Variants in DARS1 observed in about 807,000 individuals in gnomAD.
DARS1 encodes aspartyl-tRNA synthetase 1, also known as aspartate--tRNA ligase, cytoplasmic.
In DARS1, 51 loss-of-function variants were observed where a neutral mutation model predicts 68.8. That is an observed-to-expected ratio of 0.74 (90% CI 0.59 to 0.94). The LOEUF is 0.94. Ranked by LOEUF, DARS1 falls within the 40% of genes least tolerant of loss-of-function variation. The pLI, the probability that DARS1 is intolerant of heterozygous loss-of-function variation, is 0.00. For synonymous variants in DARS1, 203 were observed against 190.4 expected, an observed-to-expected ratio of 1.07 and a Z score of -0.55; for missense variants, 607 against 597.3, an observed-to-expected ratio of 1.02 and a Z score of -0.17.
intron 4 of DARS1, among the ~76,000 whole-genome samples, chr2:135,959,390 T>A (rs1240420821): frequency 1.2e-4 from 1 of 8,272 alleles, no homozygotes; most frequent in Non-Finnish European, 2.7e-4. Context: ...AAACTCCGTC[T>A]CAAAAAAAAA....
intron 9 of DARS1, 36 bp downstream of exon 9, chr2:135,922,748 A>G (rs1232510966): frequency 6.7e-7 from 1 of 1,503,732 alleles, no homozygotes; most frequent in Non-Finnish European, 8.8e-7. Context: ...TGTATAATTA[A>G]TTAACTTGGA....
At chr2:135,934,876 CCT>C (rs1328248362) in intron 5 of DARS1, among the ~76,000 whole-genome samples, 2 of 149,928 alleles carry the variant, frequency 1.3e-5, no homozygotes, top group Non-Finnish European at 3.0e-5. Context: ...CTCACTGCAA[CCT>C]CTGTCTCCCG....
At chr2:135,948,540 C>A (rs1344008221) in intron 4 of DARS1, among the ~76,000 whole-genome samples, 3 of 152,154 alleles carry the variant, frequency 2.0e-5, no homozygotes, top group Non-Finnish European at 4.4e-5. Flanking sequence ...GAGACTTCTT[C>A]TGAGTATTAT....
Position 135,962,541 on chromosome 2 carries a change from A to T in DARS1, c.218-1043T>A, listed in dbSNP as rs141223995. On this transcript the variant is annotated intron_variant, in intron 3 of 15. Coordinates refer to ENST00000264161, the MANE Select transcript of DARS1 (RefSeq NM_001349.4). ...AGCAGACTTACAGTTACTACTTTCA[A>T]CATACAGTATTTTGAAATGCAAATC... Among the ~76,000 whole-genome samples, 232 of 152,350 alleles carry T rather than the reference A, an allele frequency of 1.5e-3. 2 individuals carry two copies. Among genetic ancestry groups the T allele is most frequent in the Admixed American group, 0.01 (153 of 15,300 alleles).
intron 3 of DARS1, among the ~76,000 whole-genome samples, chr2:135,978,387 G>C (rs1682549338): frequency 6.6e-6 from 1 of 152,142 alleles, no homozygotes; most frequent in Admixed American, 6.5e-5. Flanking sequence ...TCTAGCTTCT[G>C]TTTATACTCC....
intron 2 of DARS1, chr2:135,980,624 C>G (rs1328506600): frequency 1.3e-5 from 2 of 152,128 alleles, no homozygotes; most frequent in Non-Finnish European, 2.9e-5. Flanking sequence ...ATGAGTTAAG[C>G]CAACTTCCAA....
chr2:135,985,682 C>G (rs769505844), upstream of DARS1: 2 of 1,214,482 alleles, frequency 1.6e-6, no homozygotes, highest in Non-Finnish European at 2.2e-6. Context: ...CGCGCAGGGT[C>G]TCCTCCCACT....
intron 4 of DARS1, 68 bp from the exon 5 acceptor site, chr2:135,943,548 A>G: frequency 1.3e-6 from 2 of 1,566,484 alleles, no homozygotes; most frequent in Non-Finnish European, 1.7e-6. Flanking sequence ...CTGGTGTTTC[A>G]GCAGTAAAGC....
At chr2:135,963,063 AAAGAATGGAG>A (rs1239713244) in intron 3 of DARS1, among the ~76,000 whole-genome samples, 1 of 152,206 alleles carries the variant, frequency 6.6e-6, no homozygotes, top group Non-Finnish European at 1.5e-5. Context: ...GACCCTGGAG[AAAGAATGGAG>A]AACTCTAAAG....
chr2:135,912,469 A>T lies in DARS1; in HGVS notation c.1230+17T>A. 1 of 900,468 alleles carries T rather than the reference A, an allele frequency of 1.1e-6. No individual in the cohort carries two copies. The highest frequency in any genetic ancestry group is 1.8e-6 in the Non-Finnish European group (1 of 553,622). The allele number at this position is 900,468 out of a possible 1,614,324, so 55.8% of individuals were successfully genotyped here. On this transcript the variant is annotated intron_variant, in intron 13 of 15. Coordinates refer to ENST00000264161, the MANE Select transcript of DARS1 (RefSeq NM_001349.4). ...CCTTCTGCCTCAAAATGGGTTACTT[A>T]AAACCAAATTACTTACGGGATTTCT...
chr2:135,931,981 G>GA (rs1470806993), intron 7 of DARS1, among the ~76,000 whole-genome samples: 9 of 152,218 alleles, frequency 5.9e-5, no homozygotes, highest in Admixed American at 2.0e-4. Flanking sequence ...CAACATACAT[G>GA]AAAAACCTGA....
intron 4 of DARS1, among the ~76,000 whole-genome samples, chr2:135,954,325 CA>C (rs1172207033): frequency 0.18 from 14,972 of 81,518 alleles, 984 homozygotes; most frequent in Middle Eastern, 0.43. Flanking sequence ...AAAACAAAAC[CA>C]AAAAAAAAAA....
intron 2 of DARS1, among the ~76,000 whole-genome samples, chr2:135,982,057 T>C (rs560236047): frequency 2.6e-5 from 4 of 152,244 alleles, no homozygotes; most frequent in African/African-American, 9.6e-5. Context: ...ATAATATTCA[T>C]AGGCAGCCCT....
At chr2:135,909,148 G>C (rs1680847694) in intron 15 of DARS1, among the ~76,000 whole-genome samples, 1 of 151,826 alleles carries the variant, frequency 6.6e-6, no homozygotes, top group East Asian at 1.9e-4. Context: ...GTGGGGTGGG[G>C]GACAGCATTA....
rs780897664 is a variant in DARS1 at position 135,911,165 on chromosome 2, G to A, written c.1388C>T (p.Ala463Val). The A allele has an allele frequency of 3.9e-6, 6 of 1,535,424 alleles. No individual in the cohort carries two copies. The highest frequency in any genetic ancestry group is 3.3e-5 in the Admixed American group (2 of 59,790). ...KAYIDSFRFG[A>V]PPHAGGGIGL... ...AATGCCTCCACCAGCATGAGGAGGG[G>A]CTCCAAAGCGGAAGGAATCAATGTA... The change falls in exon 15 of 16, where the codon GCC (alanine) becomes GTC (valine). Residue 463 changes from alanine to valine, a missense_variant. By Grantham distance (64) the Ala-to-Val change is moderately conservative. Transcript: ENST00000264161.
chr2:135,912,685 A>G, intron 12 of DARS1, 119 bp from the exon 13 acceptor site: 3 of 450,542 alleles, frequency 6.7e-6, no homozygotes, highest in Non-Finnish European at 1.2e-5. Flanking sequence ...TATATTGTAT[A>G]TACAATGAAT....
chr2:135,985,653 C>A (rs1575412515), upstream of DARS1: 3 of 1,409,092 alleles, frequency 2.1e-6, no homozygotes, highest in East Asian at 5.1e-5. Flanking sequence ...ATCTCGAGAT[C>A]CCGGAGCGCT....
rs1680781490 is a variant in DARS1, at chr2:135,906,391, G to A, written c.*925C>T. Among the ~76,000 whole-genome samples, 1 of 152,116 alleles carries A rather than the reference G, an allele frequency of 6.6e-6. No homozygotes were observed. Among genetic ancestry groups the A allele is most frequent in the South Asian group, 2.1e-4 (1 of 4,818 alleles). Reference sequence around the variant, plus strand: ...CTTTTTGACGGATAAGATGGGACTGGATTTTACTGACATTCACTAAGTATC... The same window carrying A: ...CTTTTTGACGGATAAGATGGGACTGAATTTTACTGACATTCACTAAGTATC... On this transcript the variant is annotated 3_prime_UTR_variant, in exon 16 of 16. Transcript: ENST00000264161.
intron 7 of DARS1, among the ~76,000 whole-genome samples, chr2:135,930,244 T>C (rs1250617255): frequency 6.6e-6 from 1 of 152,092 alleles, no homozygotes. Flanking sequence ...GACCTAAACA[T>C]TCAGGAAAAA....
Sources: allele counts gnomAD v4.1 joint callset (sites outside exome capture counted in the v4.1 genomes callset), GRCh38; gene constraint gnomAD v4.1.1; transcripts MANE v1.5; gene names NCBI Gene and HGNC (gene_info 2026-07-23, HGNC 2026-07-21).